CPXM2: variants seen among roughly 807,000 people sequenced by gnomAD.
CPXM2 encodes the protein carboxypeptidase X, M14 family member 2, also known as inactive carboxypeptidase-like protein X2.
Under a neutral mutation model 86.1 loss-of-function variants are expected in CPXM2, and 66 were observed. That is an observed-to-expected ratio of 0.77 (90% confidence interval 0.63 to 0.94). The LOEUF (loss-of-function observed/expected upper bound fraction) is 0.94. Among genes scored for constraint, CPXM2 ranks in the 40% least tolerant of loss-of-function variants. The pLI is 0.00. For missense variants in CPXM2, 948 were observed against 1,026.3 expected (o/e 0.92, Z 1.04); for synonymous variants, 388 against 400.2 (o/e 0.97, Z 0.36).
chr10:123,782,336 C>T (rs935129456), intron 6 of CPXM2, among the ~76,000 whole-genome samples: 14 of 152,204 alleles, frequency 9.2e-5, no homozygotes, highest in Admixed American at 7.2e-4. Flanking sequence ...TTTCAAAGGA[C>T]TTTAAAGCCC....
chr10:123,812,428 T>C (rs1847713320), intron 4 of CPXM2, among the ~76,000 whole-genome samples: 1 of 152,180 alleles, frequency 6.6e-6, no homozygotes, highest in East Asian at 1.9e-4. Context: ...GAGTAGTTTT[T>C]AAAGGTAGGA....
At chr10:123,765,659 T>C (rs1352817387) in intron 10 of CPXM2, among the ~76,000 whole-genome samples, 2 of 152,238 alleles carry the variant, frequency 1.3e-5, no homozygotes, top group African/African-American at 4.8e-5. Flanking sequence ...GGGGCCTCCC[T>C]AGTCTACTGC....
In CPXM2 at chr10:123,778,532, C is replaced by T. The variant is rs544933477; in HGVS notation, c.978+1635G>A. ...CCTCTTGGCTCCAGTAGTGATCAGT[C>T]GCCTAGAGTAATGAAGCATACTCCG... On this transcript the variant is annotated intron_variant, in intron 7 of 13. Transcript: ENST00000241305. Among the ~76,000 whole-genome samples the T allele has an allele frequency of 8.5e-5, 13 of 152,272 alleles. 1 individual carries two copies. Among genetic ancestry groups the T allele is most frequent in the Admixed American group, 6.5e-5 (1 of 15,296 alleles).
At chr10:123,881,509 G>A (rs61861909) in intron 1 of CPXM2, among the ~76,000 whole-genome samples, 16,258 of 151,968 alleles carry the variant, frequency 0.11, 1,141 homozygotes, top group Non-Finnish European at 0.13. Flanking sequence ...CAAGGCTGTG[G>A]TCTCAGCCAG....
chr10:123,922,444 T>C (rs17106152), intron 2 of CPXM2, among the ~76,000 whole-genome samples: 2,740 of 152,308 alleles, frequency 0.018, 76 homozygotes, highest in African/African-American at 0.061. Flanking sequence ...TCTAAAAAAA[T>C]ATATGCTGTC....
intron 2 of CPXM2, among the ~76,000 whole-genome samples, chr10:123,897,845 A>G (rs1182091371): frequency 1.3e-5 from 2 of 152,252 alleles, no homozygotes; most frequent in Admixed American, 1.3e-4. Flanking sequence ...TCACTGCCAC[A>G]TGGGCAGGGC....
chr10:123,891,838 C>T, upstream of CPXM2: 1 of 194,134 alleles, frequency 5.2e-6, no homozygotes, highest in Non-Finnish European at 9.4e-6. The surrounding 1 kb of genome is among the most constrained non-coding windows in gnomAD (Gnocchi z 5.6). Flanking sequence ...CTGGGCTGGG[C>T]CGGGGCGGAC....
chr10:123,938,567 C>A (rs1026373139), intron 2 of CPXM2, among the ~76,000 whole-genome samples: 1 of 152,340 alleles, frequency 6.6e-6, no homozygotes, highest in South Asian at 2.1e-4. Flanking sequence ...TTGGCCTGCA[C>A]TCTGTCATGT....
intron 4 of CPXM2, among the ~76,000 whole-genome samples, chr10:123,840,174 G>C (rs1848358592): frequency 6.6e-6 from 1 of 152,138 alleles, no homozygotes; most frequent in South Asian, 2.1e-4. Flanking sequence ...CCAGTCTTTT[G>C]TTTTAAGTTT....
chr10:123,832,659 C>G (rs370315420), intron 4 of CPXM2, among the ~76,000 whole-genome samples: 3 of 151,684 alleles, frequency 2.0e-5, no homozygotes, highest in Non-Finnish European at 4.4e-5. Context: ...AAACCCCGTC[C>G]CTACTAAAAA....
intron 2 of CPXM2, among the ~76,000 whole-genome samples, chr10:123,933,632 C>T (rs1157545408): frequency 6.6e-6 from 1 of 152,072 alleles, no homozygotes; most frequent in Non-Finnish European, 1.5e-5. Flanking sequence ...GCAGGAGATT[C>T]GCTTGAACCC....
At chr10:123,813,045 T>A (rs1162984941) in intron 4 of CPXM2, among the ~76,000 whole-genome samples, 1 of 152,256 alleles carries the variant, frequency 6.6e-6, no homozygotes, top group African/African-American at 2.4e-5. Flanking sequence ...TTTATTTGAA[T>A]GTTGTACAAT....
intron 2 of CPXM2, among the ~76,000 whole-genome samples, chr10:123,916,456 ACT>A (rs1282746414): frequency 6.6e-6 from 1 of 151,916 alleles, no homozygotes; most frequent in Non-Finnish European, 1.5e-5. Context: ...ACCCCCATTC[ACT>A]CTGTGCTCCT....
chr10:123,926,429 GTC>G (rs1442444063), intron 2 of CPXM2, among the ~76,000 whole-genome samples: 1 of 152,192 alleles, frequency 6.6e-6, no homozygotes, highest in Non-Finnish European at 1.5e-5. Context: ...TCATCTGTGT[GTC>G]TCTCTCCCTT....
chr10:123,895,099 T>C (rs1945324332), upstream of CPXM2, among the ~76,000 whole-genome samples: 1 of 149,570 alleles, frequency 6.7e-6, no homozygotes, highest in Non-Finnish European at 1.5e-5. Context: ...ATAAGACAGA[T>C]TCTTTTTTTT....
intron 2 of CPXM2, among the ~76,000 whole-genome samples, chr10:123,930,423 C>T (rs558281012): frequency 2.0e-4 from 30 of 152,342 alleles, no homozygotes; most frequent in Non-Finnish European, 3.7e-4. Context: ...GGGCGTGAAA[C>T]ATTCCAAAGG....
At chr10:123,900,050 AT>A (rs917540332) in intron 2 of CPXM2, among the ~76,000 whole-genome samples, 20 of 152,178 alleles carry the variant, frequency 1.3e-4, no homozygotes, top group South Asian at 6.2e-4. Flanking sequence ...AACAAAAAAA[AT>A]TTTTTTTGGA....
At chr10:123,825,591 T>C (rs1848028763) in intron 4 of CPXM2, among the ~76,000 whole-genome samples, 1 of 152,194 alleles carries the variant, frequency 6.6e-6, no homozygotes, top group Non-Finnish European at 1.5e-5. Context: ...CGTTCACAGC[T>C]GCTAAACCTC....
intron 3 of CPXM2, among the ~76,000 whole-genome samples, chr10:123,847,502 G>T (rs1055127582): frequency 2.6e-5 from 4 of 151,958 alleles, no homozygotes; most frequent in Admixed American, 2.0e-4. Context: ...CTCTAGCCTG[G>T]GCAACAGGGC....
Sources: allele counts gnomAD v4.1 joint callset (sites outside exome capture counted in the v4.1 genomes callset), GRCh38; gene constraint gnomAD v4.1.1; non-coding constraint Gnocchi (gnomAD v3.1); transcripts MANE v1.5; gene names NCBI Gene and HGNC (gene_info 2026-07-23, HGNC 2026-07-21).